LRRC3B: variants seen among roughly 807,000 people sequenced by gnomAD.
The protein encoded by LRRC3B is leucine rich repeat containing 3B, also known as leucine-rich repeat-containing protein 3B.
In LRRC3B, 2 loss-of-function variants were observed where a neutral mutation model predicts 12.8. The ratio of observed to expected loss-of-function variants is 0.16; its 90% CI spans 0.06 to 0.49. The LOEUF (loss-of-function observed/expected upper bound fraction) is 0.49. Ranked by LOEUF, LRRC3B falls within the 20% of genes least tolerant of loss-of-function variation. The pLI is 0.96. For missense variants in LRRC3B, 189 were observed against 319.4 expected (o/e 0.59, Z 3.11); for synonymous variants, 132 against 122.0 (o/e 1.08, Z -0.54).
At chr3:26,656,926 AG>A (rs1465614600) in intron 1 of LRRC3B, among the ~76,000 whole-genome samples, 152 of 152,338 alleles carry the variant, frequency 1.0e-3, no homozygotes, top group Non-Finnish European at 1.9e-3. Flanking sequence ...ATAGAATCCA[AG>A]TTCAGATTCT....
At chr3:26,669,800 C>A (rs1817789) in intron 1 of LRRC3B, among the ~76,000 whole-genome samples, 1 of 152,038 alleles carries the variant, frequency 6.6e-6, no homozygotes, top group African/African-American at 2.4e-5. Context: ...CATGTGCTAA[C>A]AGATACCCCT....
intron 1 of LRRC3B, among the ~76,000 whole-genome samples, chr3:26,675,828 C>A (rs1020464178): frequency 3.3e-5 from 5 of 152,044 alleles, no homozygotes; most frequent in African/African-American, 1.2e-4. Flanking sequence ...AGCCCTTATT[C>A]TAGAATGTTT....
intron 1 of LRRC3B, among the ~76,000 whole-genome samples, chr3:26,665,050 G>T (rs1246111014): frequency 6.6e-6 from 1 of 151,830 alleles, no homozygotes; most frequent in Non-Finnish European, 1.5e-5. Context: ...AGCAGCCTAA[G>T]GGCCATCCTA....
At chr3:26,654,266 G>T (rs1220775086) in intron 1 of LRRC3B, among the ~76,000 whole-genome samples, 1 of 152,146 alleles carries the variant, frequency 6.6e-6, no homozygotes, top group South Asian at 2.1e-4. Context: ...ATAAGAAGCC[G>T]GCTGTCCAAC....
intron 1 of LRRC3B, among the ~76,000 whole-genome samples, chr3:26,643,089 G>A (rs1464129535): frequency 3.3e-5 from 5 of 151,948 alleles, no homozygotes; most frequent in African/African-American, 2.4e-5. Flanking sequence ...CATATGCAGC[G>A]ACACAGGGAA....
At chr3:26,687,808 G>A (rs1700116057) in intron 1 of LRRC3B, among the ~76,000 whole-genome samples, 1 of 152,196 alleles carries the variant, frequency 6.6e-6, no homozygotes. Context: ...CAGGACTGAG[G>A]AGACAGATGG....
chr3:26,698,856 A>G (rs926857231), intron 1 of LRRC3B, among the ~76,000 whole-genome samples: 2 of 152,150 alleles, frequency 1.3e-5, no homozygotes, highest in African/African-American at 2.4e-5. Flanking sequence ...TAAGAAACGT[A>G]AATTTGATGC....
At chr3:26,636,391 T>C (rs1575114156) in intron 1 of LRRC3B, among the ~76,000 whole-genome samples, 1 of 152,164 alleles carries the variant, frequency 6.6e-6, no homozygotes, top group African/African-American at 2.4e-5. Flanking sequence ...CCTTAGACAC[T>C]ATGAGGAGTA....
intron 1 of LRRC3B, among the ~76,000 whole-genome samples, chr3:26,692,704 A>G (rs549158738): frequency 6.6e-6 from 1 of 152,240 alleles, no homozygotes; most frequent in Non-Finnish European, 1.5e-5. Context: ...ACATAAATAT[A>G]AATATATTAA....
intron 1 of LRRC3B, among the ~76,000 whole-genome samples, chr3:26,652,452 A>G (rs1378016463): frequency 6.6e-6 from 1 of 152,242 alleles, no homozygotes; most frequent in African/African-American, 2.4e-5. Context: ...GGAATCTCAT[A>G]GAAGAGCTGG....
At chr3:26,669,248 C>T (rs552953052) in intron 1 of LRRC3B, among the ~76,000 whole-genome samples, 1 of 152,152 alleles carries the variant, frequency 6.6e-6, no homozygotes, top group African/African-American at 2.4e-5. Flanking sequence ...AGATGAGTGT[C>T]GTGCAGAGCT....
chr3:26,710,623 G>A (rs180721393), exon 2 of LRRC3B: 3 of 643,760 alleles, frequency 4.7e-6, no homozygotes, highest in East Asian at 5.7e-5. Context: ...AATAATTTGA[G>A]TTTAGGTGAT....
chr3:26,679,181 T>C (rs187289699), intron 1 of LRRC3B, among the ~76,000 whole-genome samples: 2 of 152,336 alleles, frequency 1.3e-5, no homozygotes, highest in East Asian at 3.9e-4. Flanking sequence ...ATCTGTCAAC[T>C]GGGTGCTTCT....
intron 1 of LRRC3B, among the ~76,000 whole-genome samples, chr3:26,704,731 C>A (rs956883849): frequency 6.6e-6 from 1 of 151,972 alleles, no homozygotes; most frequent in Non-Finnish European, 1.5e-5. Flanking sequence ...GTTTATCATT[C>A]TTTTGTAAGG....
chr3:26,652,973 A>C (rs6551122), intron 1 of LRRC3B, among the ~76,000 whole-genome samples: 1 of 151,772 alleles, frequency 6.6e-6, no homozygotes, highest in African/African-American at 2.4e-5. Flanking sequence ...TCTGGAGATA[A>C]CTGTCATTTC....
chr3:26,693,661 A>T, intron 1 of LRRC3B, among the ~76,000 whole-genome samples: 1 of 152,212 alleles, frequency 6.6e-6, no homozygotes, highest in East Asian at 1.9e-4. Flanking sequence ...AACATGCCCT[A>T]AAAATCACAA....
intron 1 of LRRC3B, among the ~76,000 whole-genome samples, chr3:26,628,545 T>G (rs1242382569): frequency 2.6e-5 from 4 of 151,748 alleles, no homozygotes; most frequent in African/African-American, 9.7e-5. Context: ...GATTAATAAA[T>G]TTTGTATTCA....
At chr3:26,700,443 G>C (rs1700425894) in intron 1 of LRRC3B, among the ~76,000 whole-genome samples, 1 of 152,192 alleles carries the variant, frequency 6.6e-6, no homozygotes, top group Non-Finnish European at 1.5e-5. Context: ...CTGCTAACCA[G>C]CTGTATGGCT....
At chr3:26,687,559 C>T (rs1015196546) in intron 1 of LRRC3B, among the ~76,000 whole-genome samples, 2 of 152,164 alleles carry the variant, frequency 1.3e-5, no homozygotes, top group Non-Finnish European at 2.9e-5. Context: ...GAGCTACCCC[C>T]ACTTCTTTTT....
Sources: allele counts gnomAD v4.1 joint callset (sites outside exome capture counted in the v4.1 genomes callset), GRCh38; gene constraint gnomAD v4.1.1; transcripts MANE v1.5; gene names NCBI Gene and HGNC (gene_info 2026-07-23, HGNC 2026-07-21).